CADM1: variants seen among roughly 807,000 people sequenced by gnomAD.
The protein encoded by CADM1 is cell adhesion molecule 1.
A neutral mutation model predicts 53.1 loss-of-function variants in CADM1; 15 were observed. The ratio of observed to expected loss-of-function variants is 0.28; its 90% CI spans 0.19 to 0.44. CADM1 has a LOEUF of 0.44. CADM1 is among the 20% of genes least tolerant of loss of function. The probability of loss-of-function intolerance (pLI) is 1.00; values close to 1 mark genes in which losing one functional copy is unlikely to be tolerated. For synonymous variants in CADM1, 281 were observed against 243.0 expected (o/e 1.16, Z -1.45); for missense variants, 434 against 611.3 (o/e 0.71, Z 3.06).
Position 115,225,783 on chromosome 11 carries a change from T to C in CADM1, c.721+3330A>G, listed in dbSNP as rs12277930. On this transcript the variant is annotated intron_variant, in intron 5 of 11. Transcript: ENST00000331581. ...GATATTTAATGACATATAACGCAGGTTTTCATTATTTCATTTCCTTTTTAA... is the reference window on the plus strand; with the variant it reads ...GATATTTAATGACATATAACGCAGGCTTTCATTATTTCATTTCCTTTTTAA... Among the ~76,000 whole-genome samples, 1,410 of 152,142 alleles carry C rather than the reference T, an allele frequency of 9.3e-3. 27 individuals carry two copies. The highest frequency in any genetic ancestry group is 0.033 in the African/African-American group (1,355 of 41,496).
At chr11:115,475,916 A>C (rs63612760) in intron 1 of CADM1, among the ~76,000 whole-genome samples, 2 of 152,168 alleles carry the variant, frequency 1.3e-5, no homozygotes, top group Admixed American at 6.5e-5. Flanking sequence ...AACTCTACCC[A>C]AAAAAAGTAA....
chr11:115,199,004 T>C (rs1444121239), intron 8 of CADM1, among the ~76,000 whole-genome samples: 2 of 152,202 alleles, frequency 1.3e-5, no homozygotes, highest in Non-Finnish European at 2.9e-5. Flanking sequence ...AAGTTTTCCA[T>C]CCAGTGTATT....
chr11:115,485,805 T>C (rs930240682), intron 1 of CADM1, among the ~76,000 whole-genome samples: 7 of 152,210 alleles, frequency 4.6e-5, no homozygotes, highest in African/African-American at 1.7e-4. Context: ...ACACATCTCT[T>C]TGCAGATGAC....
chr11:115,171,782 C>G lies in CADM1; in HGVS notation c.*4692G>C, dbSNP rs1439317802. The G allele has an allele frequency of 6.6e-6, 1 of 152,190 alleles. No individual in the cohort carries two copies. The highest frequency in any genetic ancestry group is 6.5e-5 in the Admixed American group (1 of 15,274). The allele number at this position is 152,190 out of a possible 1,614,324, so 9.4% of individuals were successfully genotyped here. On this transcript the variant is annotated 3_prime_UTR_variant, in exon 12 of 12. Coordinates refer to ENST00000331581, the MANE Select transcript of CADM1 (RefSeq NM_001301043.2). ...GAGAGGGGTGGGGAGACTAAACATA[C>G]TGCATGCCACGTGGCTTGGAATAAG... is the stretch of plus-strand genomic sequence containing the variant.
At chr11:115,291,491 T>C (rs1407381769) in intron 1 of CADM1, among the ~76,000 whole-genome samples, 1 of 152,184 alleles carries the variant, frequency 6.6e-6, no homozygotes, top group South Asian at 2.1e-4. Flanking sequence ...TCATTCTAAT[T>C]CCTAGCAAAC....
At chr11:115,485,548 T>A (rs1187871490) in intron 1 of CADM1, among the ~76,000 whole-genome samples, 2 of 152,152 alleles carry the variant, frequency 1.3e-5, no homozygotes, top group African/African-American at 2.4e-5. Context: ...GGGGGCGGTT[T>A]CCCCCATACT....
intron 1 of CADM1, among the ~76,000 whole-genome samples, chr11:115,293,955 G>C (rs1943978509): frequency 6.6e-6 from 1 of 152,164 alleles, no homozygotes; most frequent in African/African-American, 2.4e-5. Flanking sequence ...GTGATTTAGA[G>C]AGGTAAATAA....
At chr11:115,374,945 A>G (rs983510739) in intron 1 of CADM1, among the ~76,000 whole-genome samples, 6 of 152,228 alleles carry the variant, frequency 3.9e-5, no homozygotes, top group Admixed American at 1.3e-4. Context: ...TAATAATAAT[A>G]TAAGGCAATT....
intron 7 of CADM1, 102 bp downstream of exon 7, chr11:115,214,506 G>T: frequency 8.4e-7 from 1 of 1,184,502 alleles, no homozygotes; most frequent in East Asian, 2.4e-5. Context: ...GAAACCAACT[G>T]GTTTTTGATT....
At chr11:115,265,599 A>AT (rs556029945) in intron 1 of CADM1, among the ~76,000 whole-genome samples, 325 of 152,278 alleles carry the variant, frequency 2.1e-3, no homozygotes, top group African/African-American at 7.3e-3. Context: ...CCACCATTGA[A>AT]TACACCTACC....
chr11:115,192,832 C>A (rs1310351987), intron 9 of CADM1, among the ~76,000 whole-genome samples: 1 of 152,166 alleles, frequency 6.6e-6, no homozygotes, highest in African/African-American at 2.4e-5. Flanking sequence ...TTGATATACA[C>A]CTCATTAAAG....
intron 1 of CADM1, among the ~76,000 whole-genome samples, chr11:115,381,269 G>A (rs11215526): frequency 0.32 from 47,915 of 150,486 alleles, 8,770 homozygotes; most frequent in Non-Finnish European, 0.43. Context: ...ACTGTAGCCT[G>A]GGCAACAGAG....
In CADM1 at chr11:115,169,598, T is replaced by A. The variant is rs1201170629; in HGVS notation, c.*6876A>T. 2.0e-5 allele frequency: 9 copies of A among 456,478 alleles called. No individual in the cohort carries two copies. The highest frequency in any genetic ancestry group is 6.5e-4 in the Middle Eastern group (2 of 3,098). 28.3% of individuals were successfully genotyped at this position (456,478 alleles called of 1,614,324 possible). ...ACTATAGCTGCCCTCATCACTTTAT[T>A]CTGGGAGAGGAGGTTAGAGAAAACA... On this transcript the variant is annotated 3_prime_UTR_variant, in exon 12 of 12. Transcript: ENST00000331581.
chr11:115,257,515 T>C (rs1425406137), intron 1 of CADM1, among the ~76,000 whole-genome samples: 3 of 152,244 alleles, frequency 2.0e-5, no homozygotes, highest in Non-Finnish European at 4.4e-5. Flanking sequence ...AATGCTGGTA[T>C]TCTCTAGCAC....
At chr11:115,264,512 C>T (rs1200597856) in intron 1 of CADM1, among the ~76,000 whole-genome samples, 1 of 152,190 alleles carries the variant, frequency 6.6e-6, no homozygotes, top group East Asian at 1.9e-4. Flanking sequence ...CACAGAAAAA[C>T]ATTCTCTGCA....
intron 1 of CADM1, among the ~76,000 whole-genome samples, chr11:115,472,307 A>ATGGGT (rs926574678): frequency 2.6e-5 from 4 of 152,214 alleles, no homozygotes; most frequent in African/African-American, 7.2e-5. Flanking sequence ...CAACACAGAT[A>ATGGGT]TGGGTTTGGA....
chr11:115,360,088 G>T (rs1591745459), intron 1 of CADM1, among the ~76,000 whole-genome samples: 1 of 152,168 alleles, frequency 6.6e-6, no homozygotes, highest in African/African-American at 2.4e-5. Flanking sequence ...AGAGGATAAA[G>T]AAGCCTCTCT....
At chr11:115,232,670 G>C (rs183278577) in intron 3 of CADM1, among the ~76,000 whole-genome samples, 17 of 152,034 alleles carry the variant, frequency 1.1e-4, no homozygotes, top group African/African-American at 4.1e-4. Flanking sequence ...TGACAATGAT[G>C]ATGATGATAA....
intron 1 of CADM1, among the ~76,000 whole-genome samples, chr11:115,322,523 T>G (rs935771145): frequency 6.6e-6 from 1 of 152,208 alleles, no homozygotes; most frequent in Non-Finnish European, 1.5e-5. Context: ...GAACATTCTC[T>G]TCATCCCAAA....
Sources: allele counts gnomAD v4.1 joint callset (sites outside exome capture counted in the v4.1 genomes callset), GRCh38; gene constraint gnomAD v4.1.1; transcripts MANE v1.5; gene names NCBI Gene and HGNC (gene_info 2026-07-23, HGNC 2026-07-21).